The following DNAH8 variants were observed in gnomAD, a reference collection of about 807,000 sequenced individuals.
DNAH8 encodes the protein axonemal beta dynein heavy chain 8.
DNAH8 carries 382 observed loss-of-function variants against 562.1 expected under a neutral mutation model. That is an observed-to-expected ratio of 0.68 (90% CI 0.63 to 0.74). DNAH8 has a LOEUF of 0.74. Ranked by LOEUF, DNAH8 falls within the 30% of genes least tolerant of loss-of-function variation. DNAH8 has a pLI of 0.00. For synonymous variants in DNAH8, 1,881 were observed against 1,919.4 expected, an observed-to-expected ratio of 0.98 and a Z score of 0.52; for missense variants, 5,203 against 5,620.4, an observed-to-expected ratio of 0.93 and a Z score of 2.37.
In DNAH8 at chr6:38,779,994, G is replaced by A. The variant is rs1738254; in HGVS notation, c.2068G>A (p.Gly690Arg). Residue 690 changes from glycine to arginine, a missense_variant, in exon 15 of 93, where the codon GGA (glycine) becomes AGA (arginine). Physicochemically the swap from Gly to Arg is moderately radical, Grantham distance 125. This residue lies in a region of DNAH8 where 2,176 missense variants were observed against 2,365.1 expected (regional missense o/e 0.92). Coordinates refer to ENST00000327475, the MANE Select transcript of DNAH8 (RefSeq NM_001206927.2). The part of the protein sequence containing the change: ...RFQKLNIPCL[G>R]LEINHTIERI... ...TCAGAAGCTGAACATTCCCTGTCTGGGATTAGAAATAAACCACACAATAGA... is the reference window on the plus strand; with the variant it reads ...TCAGAAGCTGAACATTCCCTGTCTGAGATTAGAAATAAACCACACAATAGA... 0.072 allele frequency: 115,556 copies of A among 1,613,616 alleles called. 8,990 individuals are homozygous for A. The highest frequency in any genetic ancestry group is 0.45 in the East Asian group (20,183 of 44,834).
chr6:38,996,391 G>T (rs1001697669), intron 88 of DNAH8, among the ~76,000 whole-genome samples: 2 of 152,036 alleles, frequency 1.3e-5, no homozygotes, highest in African/African-American at 4.8e-5. Context: ...TTTCCTCTGT[G>T]CTCCACAGTC....
chr6:38,819,579 A>G (rs184376750), intron 26 of DNAH8, among the ~76,000 whole-genome samples: 38 of 152,314 alleles, frequency 2.5e-4, no homozygotes, highest in African/African-American at 8.9e-4. Flanking sequence ...TGCATTATCA[A>G]TAAAATGAAG....
At chr6:38,902,770 C>T (rs968866156) in intron 62 of DNAH8, among the ~76,000 whole-genome samples, 1 of 152,120 alleles carries the variant, frequency 6.6e-6, no homozygotes, top group African/African-American at 2.4e-5. Flanking sequence ...TTAAAGTATG[C>T]AGGATTGATA....
In DNAH8 at chr6:38,906,251, T is replaced by G; in HGVS notation, c.9195-3T>G. ...TAAAACTTTCTATCATTTTTCTTCT[T>G]AGGTCTTACAATGTGACTAATCTAA... On this transcript the variant is annotated splice_polypyrimidine_tract_variant and splice_region_variant and intron_variant, in intron 62 of 92. Coordinates refer to ENST00000327475, the MANE Select transcript of DNAH8 (RefSeq NM_001206927.2). 1.9e-6 allele frequency: 3 copies of G among 1,564,734 alleles called. No homozygotes were observed. Among genetic ancestry groups the G allele is most frequent in the Non-Finnish European group, 2.6e-6 (3 of 1,148,688 alleles).
At chr6:38,879,392 TC>T (rs1778284413) in intron 53 of DNAH8, among the ~76,000 whole-genome samples, 1 of 152,082 alleles carries the variant, frequency 6.6e-6, no homozygotes, top group Admixed American at 6.6e-5. Context: ...TATACAAAAG[TC>T]CAACTGTGGC....
At position 38,723,420 on chromosome 6, in the gene DNAH8, T is replaced by A. The variant is rs371425796; in HGVS notation, c.474T>A (p.Asn158Lys). ...ATATATTTGAAATTCTAGCAGAAAA[T>A]CTTGGCCTGGACATAGTAACTGTTG... Reference protein sequence around the residue: ...YKYIFEILAENLGLDIVTVEE... With the variant: ...YKYIFEILAEKLGLDIVTVEE... The change falls in exon 3 of 93, where the codon AAT becomes AAA. Residue 158 changes from asparagine (N) to lysine (K), a missense_variant. Around this residue, in one of 6 missense-constraint regions of DNAH8, gnomAD observed 556 missense variants for 496.9 expected, o/e 1.12. Coordinates refer to ENST00000327475, the MANE Select transcript of DNAH8 (RefSeq NM_001206927.2). 3.1e-6 allele frequency: 5 copies of A among 1,612,248 alleles called. No homozygotes were observed. The highest frequency in any genetic ancestry group is 4.2e-6 in the Non-Finnish European group (5 of 1,179,828).
rs1775643197 is a variant in DNAH8 at position 38,850,327 on chromosome 6, T to A, written c.5276T>A (p.Ile1759Asn). 1.9e-6 allele frequency: 3 copies of A among 1,613,726 alleles called. No individual in the cohort carries two copies. In the East Asian group the frequency reaches 6.7e-5, roughly 36 times the overall value. The change falls in exon 38 of 93, where the codon ATT (isoleucine) becomes AAT (asparagine). Residue 1759 changes from isoleucine (I) to asparagine (N), a missense_variant. Ile to Asn is a moderately radical substitution (Grantham distance 149). Transcript: ENST00000327475. ...MQRAHENPNV[I>N]NCCVGDETMG... ...CGAGCTCATGAGAATCCCAATGTGA[T>A]TAATTGCTGTGTTGGAGATGAAACC...
chr6:38,956,346 G>A (rs748345330), intron 82 of DNAH8, among the ~76,000 whole-genome samples: 1 of 152,132 alleles, frequency 6.6e-6, no homozygotes, highest in Non-Finnish European at 1.5e-5. Context: ...CCAATGAGAT[G>A]AGCTCTTCAG....
At chr6:38,778,889 A>T (rs1344626774) in intron 14 of DNAH8, among the ~76,000 whole-genome samples, 1 of 152,234 alleles carries the variant, frequency 6.6e-6, no homozygotes, top group Non-Finnish European at 1.5e-5. Context: ...ACCTTAAAAG[A>T]AATTGTGTAT....
Position 38,990,150 on chromosome 6 carries a change from C to T in DNAH8, c.13192C>T (p.Leu4398Phe). 6.2e-7 allele frequency: 1 copy of T among 1,611,128 alleles called. No individual in the cohort carries two copies. The highest frequency in any genetic ancestry group is 8.5e-7 in the Non-Finnish European group (1 of 1,178,194). The stretch of plus-strand genomic sequence containing the variant: ...CCTAGATAACCCTGAAGTCTTTGGG[C>T]TTCACCCTAATGCTGATATCACGTA... Reference protein sequence around the residue: ...PSLDNPEVFGLHPNADITYQS... With the variant: ...PSLDNPEVFGFHPNADITYQS... Residue 4398 changes from leucine (L) to phenylalanine (F), a missense_variant, in exon 88 of 93, where the codon CTT (leucine) becomes TTT (phenylalanine). Coordinates refer to ENST00000327475, the MANE Select transcript of DNAH8 (RefSeq NM_001206927.2).
intron 60 of DNAH8, among the ~76,000 whole-genome samples, chr6:38,897,119 G>A (rs539505778): frequency 3.1e-4 from 47 of 152,214 alleles, no homozygotes; most frequent in African/African-American, 8.9e-4. Flanking sequence ...ACCCATCTCG[G>A]CCTCCCAAAT....
At chr6:38,936,075 G>A (rs560864657) in intron 77 of DNAH8, among the ~76,000 whole-genome samples, 10 of 149,462 alleles carry the variant, frequency 6.7e-5, no homozygotes, top group African/African-American at 1.7e-4. Context: ...CAAGCCAGAC[G>A]TGGTGGCTCA....
chr6:38,904,513 G>A (rs1485374563), intron 62 of DNAH8, among the ~76,000 whole-genome samples: 1 of 152,084 alleles, frequency 6.6e-6, no homozygotes, highest in African/African-American at 2.4e-5. Context: ...AATGCTGGCC[G>A]GGCGCCCTGG....
intron 1 of DNAH8, among the ~76,000 whole-genome samples, chr6:38,718,766 C>A (rs971650121): frequency 5.3e-5 from 8 of 152,304 alleles, no homozygotes; most frequent in Admixed American, 2.6e-4. Flanking sequence ...TGTATAAAAA[C>A]CACATTTATT....
chr6:38,766,092 A>T (rs1766954863), intron 11 of DNAH8, among the ~76,000 whole-genome samples: 2 of 151,226 alleles, frequency 1.3e-5, no homozygotes, highest in South Asian at 4.2e-4. Context: ...GAATGGATAA[A>T]GAAAATGGGG....
chr6:38,814,732 C>G (rs1772092606), intron 25 of DNAH8, among the ~76,000 whole-genome samples: 1 of 152,176 alleles, frequency 6.6e-6, no homozygotes, highest in African/African-American at 2.4e-5. Flanking sequence ...TAAATAAAAT[C>G]ATCACAGTTG....
At chr6:38,846,241 T>G (rs990719036) in intron 36 of DNAH8, among the ~76,000 whole-genome samples, 1 of 152,192 alleles carries the variant, frequency 6.6e-6, no homozygotes, top group Non-Finnish European at 1.5e-5. Flanking sequence ...GACTTTCATT[T>G]TTTATGGTGA....
chr6:39,026,485 C>T, intron 91 of DNAH8, 61 bp from the exon 92 acceptor site: 1 of 1,525,976 alleles, frequency 6.6e-7, no homozygotes, highest in Non-Finnish European at 8.9e-7. Flanking sequence ...AACATTGCTT[C>T]CTTCTTGTTT....
At chr6:38,781,866 G>T (rs942677640) in intron 16 of DNAH8, among the ~76,000 whole-genome samples, 3 of 152,066 alleles carry the variant, frequency 2.0e-5, no homozygotes, top group African/African-American at 7.2e-5. Flanking sequence ...CTGAAAAACA[G>T]GACAGTCTTG....
Sources: allele counts gnomAD v4.1 joint callset (sites outside exome capture counted in the v4.1 genomes callset), GRCh38; gene constraint gnomAD v4.1.1; regional missense constraint gnomAD v4.1.1; transcripts MANE v1.5; gene names NCBI Gene and HGNC (gene_info 2026-07-23, HGNC 2026-07-21).